Variants in ASH1L observed in about 807,000 individuals in gnomAD.
ASH1L encodes the protein histone-lysine N-methyltransferase ASH1L.
ASH1L carries 23 observed loss-of-function variants against 269.0 expected under a neutral mutation model. That is an observed-to-expected ratio of 0.09 (90% CI 0.06 to 0.12). ASH1L has a LOEUF of 0.12. Among genes scored for constraint, ASH1L ranks in the 10% least tolerant of loss-of-function variants. ASH1L has a pLI of 1.00. For synonymous variants in ASH1L, 1,187 were observed against 1,253.5 expected (o/e 0.95, Z 1.12); for missense variants, 2,912 against 3,567.8 (o/e 0.82, Z 4.68).
Position 155,562,419 on chromosome 1 carries a change from G to A in ASH1L, c.-366C>T, listed in dbSNP as rs1558229554. The A allele has an allele frequency of 6.8e-7, 1 of 1,480,466 alleles. No homozygotes were observed. Among genetic ancestry groups the A allele is most frequent in the Admixed American group, 2.0e-5 (1 of 50,778 alleles). The allele number at this position is 1,480,466 out of a possible 1,614,324, so 91.7% of individuals were successfully genotyped here. Reference sequence around the variant, plus strand: ...CTCCGCAAAGCGAACCCAAAATGGCGGCGGGAGCGGCGGCGGCGGCGGCGG... The same window carrying A: ...CTCCGCAAAGCGAACCCAAAATGGCAGCGGGAGCGGCGGCGGCGGCGGCGG... On this transcript the variant is annotated 5_prime_UTR_variant, in exon 1 of 28. Coordinates refer to ENST00000392403, the MANE Select transcript of ASH1L (RefSeq NM_018489.3).
intron 4 of ASH1L, among the ~76,000 whole-genome samples, chr1:155,457,102 A>G (rs771068858): frequency 6.6e-6 from 1 of 152,002 alleles, no homozygotes; most frequent in Non-Finnish European, 1.5e-5. Flanking sequence ...CATGGAGTGG[A>G]CTCTTGATGG....
At chr1:155,412,518 G>C (rs1443362939) in intron 6 of ASH1L, among the ~76,000 whole-genome samples, 1 of 152,170 alleles carries the variant, frequency 6.6e-6, no homozygotes, top group Non-Finnish European at 1.5e-5. Flanking sequence ...CCCAAGGAGG[G>C]AATGAAAGCT....
intron 5 of ASH1L, among the ~76,000 whole-genome samples, chr1:155,436,885 T>C (rs1662144863): frequency 6.6e-6 from 1 of 152,196 alleles, no homozygotes; most frequent in Non-Finnish European, 1.5e-5. Flanking sequence ...TACAACTTCA[T>C]TCTTTTGCAT....
intron 2 of ASH1L, among the ~76,000 whole-genome samples, chr1:155,509,800 A>AATG (rs1668048481): frequency 6.6e-6 from 1 of 152,108 alleles, no homozygotes; most frequent in South Asian, 2.1e-4. Context: ...CTCCATCTCA[A>AATG]ATGATAATAA....
Position 155,478,756 on chromosome 1 carries a change from G to T in ASH1L, c.4114C>A (p.Pro1372Thr). The T allele has an allele frequency of 6.2e-7, 1 of 1,614,062 alleles. No homozygotes were observed. The highest frequency in any genetic ancestry group is 1.1e-5 in the South Asian group (1 of 91,068). ...EMPFMHSLSF[P>T]LSSTGFYPSY... The stretch of plus-strand genomic sequence containing the variant: ...GGATAGAATCCAGTACTAGAAAGAG[G>T]AAAACTAAGGCTGTGCATAAAAGGC... Residue 1372 changes from proline (P) to threonine (T), a missense_variant, in exon 3 of 28, where the codon CCT (proline) becomes ACT (threonine). Physicochemically the swap from Pro to Thr is conservative, Grantham distance 38 (BLOSUM62 -1). Transcript: ENST00000392403. This position sits in a 1 kb window ranked among gnomAD's most constrained non-coding sequence, Gnocchi z 4.6.
intron 2 of ASH1L, among the ~76,000 whole-genome samples, chr1:155,514,645 A>G (rs1470922678): frequency 2.6e-5 from 4 of 152,180 alleles, no homozygotes; most frequent in African/African-American, 9.7e-5. Flanking sequence ...GTCATAAAGC[A>G]GTGGAGACGA....
intron 20 of ASH1L, 73 bp downstream of exon 20, chr1:155,347,583 C>T (rs1450535961): frequency 5.7e-6 from 9 of 1,580,960 alleles, no homozygotes; most frequent in Non-Finnish European, 6.9e-6. Context: ...CCAAAAGAGG[C>T]ATGGGCTTCT....
At chr1:155,455,470 AAT>A (rs201199578) in intron 4 of ASH1L, among the ~76,000 whole-genome samples, 39,530 of 151,976 alleles carry the variant, frequency 0.26, 5,890 homozygotes, top group East Asian at 0.72. Context: ...CCAAAATACA[AAT>A]TGCTTTTTGT....
chr1:155,542,963 G>A (rs1320062769), intron 1 of ASH1L, among the ~76,000 whole-genome samples: 1 of 151,884 alleles, frequency 6.6e-6, no homozygotes, highest in East Asian at 1.9e-4. Context: ...GAGCCACCAT[G>A]CCTGGCCAAA....
At chr1:155,412,040 G>A (rs1335400868) in intron 6 of ASH1L, among the ~76,000 whole-genome samples, 1 of 151,888 alleles carries the variant, frequency 6.6e-6, no homozygotes, top group East Asian at 1.9e-4. Flanking sequence ...TCAGGATTTC[G>A]CAACCAGACT....
chr1:155,366,137 C>G (rs1302619170), intron 12 of ASH1L, among the ~76,000 whole-genome samples: 1 of 152,100 alleles, frequency 6.6e-6, no homozygotes, highest in Non-Finnish European at 1.5e-5. Context: ...TCATAAAGAC[C>G]TTGCTGACAA....
chr1:155,413,372 G>A (rs1659954999), intron 6 of ASH1L, among the ~76,000 whole-genome samples: 1 of 152,144 alleles, frequency 6.6e-6, no homozygotes, highest in East Asian at 1.9e-4. Context: ...CTGGGAGGCA[G>A]AGGAGGGCGG....
At chr1:155,337,943 A>C (rs762823611) in intron 27 of ASH1L, 146 bp downstream of exon 27, 5 of 1,037,390 alleles carry the variant, frequency 4.8e-6, no homozygotes, top group Non-Finnish European at 6.9e-6. Context: ...TTTCACTACC[A>C]AGATACAACT....
chr1:155,440,043 C>T (rs541339033), intron 4 of ASH1L, among the ~76,000 whole-genome samples: 1 of 152,082 alleles, frequency 6.6e-6, no homozygotes, highest in South Asian at 2.1e-4. Context: ...GGAACGGTGG[C>T]TCACACTGGT....
chr1:155,455,666 T>C (rs1024101538), intron 4 of ASH1L, among the ~76,000 whole-genome samples: 4 of 152,234 alleles, frequency 2.6e-5, no homozygotes, highest in African/African-American at 9.6e-5. Flanking sequence ...TCAACCAAAA[T>C]TGTGAATACA....
Position 155,479,003 on chromosome 1 carries a change from T to C in ASH1L, c.3867A>G (p.Ala1289=), listed in dbSNP as rs1353069725. ...GGCGACTTATTAGTTCCTCCAGCTC[T>C]GCAATAAAGTCTGGATCCTGTCTAT... ...LRNRQDPDFI[A]ELEELISRLS... The change falls in exon 3 of 28, where the codon GCA becomes GCG. Residue 1289 remains alanine (A), a synonymous_variant. Transcript: ENST00000392403. The C allele has an allele frequency of 2.5e-6, 4 of 1,613,774 alleles. No homozygotes were observed. The highest frequency in any genetic ancestry group is 3.3e-5 in the Admixed American group (2 of 60,016).
At chr1:155,357,441 T>A (rs1654518633) in intron 14 of ASH1L, 31 bp from the exon 15 acceptor site, 1 of 1,597,308 alleles carries the variant, frequency 6.3e-7, no homozygotes. Flanking sequence ...ATTAGAGATT[T>A]AAAAAAATAT....
chr1:155,528,884 T>C (rs758280878), intron 1 of ASH1L, among the ~76,000 whole-genome samples: 4 of 152,074 alleles, frequency 2.6e-5, no homozygotes, highest in Non-Finnish European at 4.4e-5. Flanking sequence ...CCAGTGTGTG[T>C]TGTTCCCCTC....
intron 2 of ASH1L, among the ~76,000 whole-genome samples, chr1:155,514,027 G>A (rs941786652): frequency 2.0e-5 from 3 of 152,156 alleles, no homozygotes; most frequent in Non-Finnish European, 4.4e-5. Flanking sequence ...ATTATGCTAA[G>A]GGAAATAAGG....
Sources: gnomAD v4.1 joint callset for allele counts (sites outside exome capture counted in the v4.1 genomes callset) on GRCh38, gnomAD v4.1.1 for gene constraint, Gnocchi (gnomAD v3.1) non-coding constraint, MANE v1.5 for transcripts, NCBI Gene and HGNC (gene_info 2026-07-23, HGNC 2026-07-21) for gene names.